The following PC variants were observed in gnomAD, a reference collection of about 807,000 sequenced individuals.
PC encodes pyruvate carboxylase, mitochondrial.
PC carries 46 observed loss-of-function variants against 107.8 expected under a neutral mutation model. The observed-to-expected ratio is 0.43, with a 90% CI of 0.34 to 0.55. The LOEUF is 0.55. Among genes scored for constraint, PC ranks in the 20% least tolerant of loss-of-function variants. PC has a pLI of 0.04. For missense variants in PC, 1,241 were observed against 1,643.1 expected (o/e 0.76, Z 4.23); for synonymous variants, 662 against 684.7 (o/e 0.97, Z 0.52).
chr11:66,864,395 C>A (rs964646736), intron 11 of PC, among the ~76,000 whole-genome samples: 1 of 152,254 alleles, frequency 6.6e-6, no homozygotes, highest in Non-Finnish European at 1.5e-5. Context: ...GCCGTGGGCT[C>A]CCAGACAGCG....
chr11:66,849,970 G>C lies in PC; in HGVS notation c.2865C>G (p.Pro955=). The C allele has an allele frequency of 6.2e-7, 1 of 1,613,604 alleles. No homozygotes were observed. The highest frequency in any genetic ancestry group is 2.2e-5 in the East Asian group (1 of 44,882). ...GAAAGGGTTCGGGGAACCCCCCATG[G>C]GGGACACCGATGTAGCCCTGCAGGA... ...VEFLQGYIGV[P]HGGFPEPFRS... The change falls in exon 20 of 23, where the codon CCC becomes CCG. Residue 955 remains proline (P), a synonymous_variant. Coordinates refer to ENST00000393960, the MANE Select transcript of PC (RefSeq NM_001040716.2).
In PC at chr11:66,863,602, A is replaced by T. The variant is rs544220334; in HGVS notation, c.1368+172T>A. On this transcript the variant is annotated intron_variant, in intron 12 of 22. Coordinates refer to ENST00000393960, the MANE Select transcript of PC (RefSeq NM_001040716.2). ...GCCCAGGCGCCTGCAGACTCTGAAA[A>T]CAGCTGGAGTCTGGCGTGCAGCTGC... Among the ~76,000 whole-genome samples the T allele has an allele frequency of 2.6e-5, 4 of 152,262 alleles. No individual in the cohort carries two copies. In the South Asian group the frequency reaches 8.3e-4, roughly 32 times the overall value.
intron 3 of PC, among the ~76,000 whole-genome samples, chr11:66,886,175 AG>A (rs548667296): frequency 5.6e-4 from 75 of 133,736 alleles, no homozygotes; most frequent in African/African-American, 1.7e-3. Flanking sequence ...GGGAGGAGGA[AG>A]GGACGTCCAG....
At chr11:66,894,807 A>G (rs1324834454) in intron 3 of PC, among the ~76,000 whole-genome samples, 1 of 152,210 alleles carries the variant, frequency 6.6e-6, no homozygotes, top group African/African-American at 2.4e-5. Flanking sequence ...GGATCACCTG[A>G]GGTCAGGAGT....
intron 3 of PC, among the ~76,000 whole-genome samples, chr11:66,942,067 A>C (rs1949148206): frequency 6.8e-6 from 1 of 147,510 alleles, no homozygotes; most frequent in Non-Finnish European, 1.5e-5. Flanking sequence ...GCACCATTGC[A>C]CTCCAGCCTG....
intron 3 of PC, among the ~76,000 whole-genome samples, chr11:66,904,858 T>C (rs150057023): frequency 6.6e-6 from 1 of 152,222 alleles, no homozygotes; most frequent in Non-Finnish European, 1.5e-5. Context: ...CTATCATCCA[T>C]CATATGACCT....
rs746903912 is a variant in PC at position 66,849,251 on chromosome 11, G to A, written c.3267C>T (p.Val1089=). ...ELNGQLRSIL[V]KDTQAMKEMH... Reference sequence around the variant, plus strand: ...ATACCTTCATGGCCTGGGTGTCCTTGACCAAGATGGACCGCAGCTGCCCAT... The same window carrying A: ...ATACCTTCATGGCCTGGGTGTCCTTAACCAAGATGGACCGCAGCTGCCCAT... Residue 1089 remains valine, a synonymous_variant, in exon 22 of 23, where the codon GTC becomes GTT. Transcript: ENST00000393960. 1 of 1,613,700 alleles carries A rather than the reference G, an allele frequency of 6.2e-7. No individual in the cohort carries two copies. The highest frequency in any genetic ancestry group is 1.1e-5 in the South Asian group (1 of 91,080).
intron 3 of PC, among the ~76,000 whole-genome samples, chr11:66,889,382 T>C (rs1047404946): frequency 6.6e-6 from 1 of 151,920 alleles, no homozygotes; most frequent in Non-Finnish European, 1.5e-5. Context: ...TGTATTATTA[T>C]TATTATTTGA....
Position 66,871,655 on chromosome 11 carries a change from C to A in PC, c.321+32G>T, listed in dbSNP as rs377446705. The A allele has an allele frequency of 4.5e-6, 7 of 1,562,014 alleles. No homozygotes were observed. In the African/African-American group the frequency reaches 5.4e-5, roughly 12 times the overall value. ...GGCAACTAAGACTCCCTGGTCCCTG[C>A]TGTCCAGGCCCAGCCAGGCCACTGG... On this transcript the variant is annotated intron_variant, in intron 5 of 22. Coordinates refer to ENST00000393960, the MANE Select transcript of PC (RefSeq NM_001040716.2). This position sits in a 1 kb window ranked among gnomAD's most constrained non-coding sequence, Gnocchi z 7.4.
intron 3 of PC, among the ~76,000 whole-genome samples, chr11:66,946,890 C>A (rs1156442657): frequency 2.6e-5 from 4 of 152,126 alleles, no homozygotes; most frequent in African/African-American, 7.2e-5. Flanking sequence ...AAACACATGA[C>A]AAGATGCTCA....
At chr11:66,898,912 C>A (rs1473051843) in intron 3 of PC, among the ~76,000 whole-genome samples, 2 of 152,008 alleles carry the variant, frequency 1.3e-5, no homozygotes, top group Non-Finnish European at 2.9e-5. Context: ...TCTTGTTGCC[C>A]GGGCTGGAGT....
chr11:66,882,672 C>T (rs1947225389), intron 3 of PC, among the ~76,000 whole-genome samples: 1 of 152,264 alleles, frequency 6.6e-6, no homozygotes, highest in African/African-American at 2.4e-5. Flanking sequence ...CTGGGCTCCA[C>T]AGCTGCCAGT....
intron 3 of PC, among the ~76,000 whole-genome samples, chr11:66,901,599 T>C (rs978506616): frequency 6.6e-6 from 1 of 152,024 alleles, no homozygotes; most frequent in African/African-American, 2.4e-5. Flanking sequence ...GCCTCTGGAG[T>C]AGCTGGGATT....
At chr11:66,879,117 C>T (rs966278016) in intron 3 of PC, among the ~76,000 whole-genome samples, 4 of 152,192 alleles carry the variant, frequency 2.6e-5, no homozygotes, top group African/African-American at 9.6e-5. Context: ...AGCCCCCGGC[C>T]CCACACAGCT....
intron 16 of PC, 150 bp downstream of exon 16, chr11:66,851,640 C>G (rs1214827719): frequency 1.2e-6 from 1 of 856,006 alleles, no homozygotes; most frequent in Non-Finnish European, 1.9e-6. Context: ...TTTTACACTT[C>G]TCGATATTTC....
rs1946194347 is a variant in PC at position 66,860,463 on chromosome 11, T to C, written c.1368+3311A>G. ...TTGTTTTTATTTATAATAAAATTGT[T>C]GGGGACACCTCAGTGCTAGTCTCTG... On this transcript the variant is annotated intron_variant, in intron 12 of 22. Transcript: ENST00000393960. 3 of 703,508 alleles carry C rather than the reference T, an allele frequency of 4.3e-6. No individual in the cohort carries two copies. In the East Asian group the frequency reaches 8.0e-5, roughly 19 times the overall value. 43.6% of individuals were successfully genotyped at this position (703,508 alleles called of 1,614,324 possible).
chr11:66,900,511 C>G (rs1278805841), intron 3 of PC, among the ~76,000 whole-genome samples: 2 of 152,042 alleles, frequency 1.3e-5, no homozygotes, highest in Non-Finnish European at 2.9e-5. Context: ...CCTTACATTT[C>G]TCTGTGAATT....
chr11:66,872,572 CAA>C (rs879567217), intron 3 of PC, among the ~76,000 whole-genome samples: 2 of 139,316 alleles, frequency 1.4e-5, no homozygotes, highest in Admixed American at 7.2e-5. Context: ...ACTAAAAATA[CAA>C]AAAAAAAAAA....
intron 3 of PC, among the ~76,000 whole-genome samples, chr11:66,898,978 C>A (rs902211307): frequency 5.9e-5 from 9 of 152,170 alleles, no homozygotes; most frequent in Non-Finnish European, 1.5e-5. Flanking sequence ...TCAAGCGATT[C>A]TCCTGCCTCA....
Sources: gnomAD v4.1 joint callset for allele counts (sites outside exome capture counted in the v4.1 genomes callset) on GRCh38, gnomAD v4.1.1 for gene constraint, Gnocchi (gnomAD v3.1) non-coding constraint, MANE v1.5 for transcripts, NCBI Gene and HGNC (gene_info 2026-07-23, HGNC 2026-07-21) for gene names.